The following REDIC1 variants were observed in gnomAD, a reference collection of about 807,000 sequenced individuals.
The protein encoded by REDIC1 is regulator of DNA class I crossover intermediates 1, also known as HEI10 Interacting Protein 1.
the REDIC1 span, among the ~76,000 whole-genome samples, chr12:39,627,247 C>T: frequency 2.6e-5 from 4 of 152,150 alleles, no homozygotes; most frequent in African/African-American, 9.7e-5. Flanking sequence ...GTTGAATATG[C>T]TAGCATTGTA....
the REDIC1 span, among the ~76,000 whole-genome samples, chr12:39,779,810 A>G: frequency 6.6e-6 from 1 of 152,234 alleles, no homozygotes; most frequent in South Asian, 2.1e-4. Flanking sequence ...TAAAAATTTC[A>G]AACTACACCA....
the REDIC1 span, among the ~76,000 whole-genome samples, chr12:39,672,495 G>T: frequency 6.6e-6 from 1 of 152,126 alleles, no homozygotes; most frequent in Non-Finnish European, 1.5e-5. Flanking sequence ...TTGAGAATTG[G>T]CAGTGGCAGT....
the REDIC1 span, chr12:39,640,995 G>T: frequency 1.2e-6 from 2 of 1,609,180 alleles, no homozygotes; most frequent in Non-Finnish European, 1.7e-6. Context: ...AAAGCAAAAG[G>T]TAAAGAAAAA....
chr12:39,857,374 C>T, the REDIC1 span, among the ~76,000 whole-genome samples: 16 of 152,286 alleles, frequency 1.1e-4, no homozygotes, highest in East Asian at 1.3e-3. Flanking sequence ...AGTGAGGTTT[C>T]GGATCCTATA....
At chr12:39,899,857 A>G in the REDIC1 span, among the ~76,000 whole-genome samples, 5 of 151,916 alleles carry the variant, frequency 3.3e-5, no homozygotes, top group African/African-American at 9.7e-5. Flanking sequence ...AGTTTGTTAT[A>G]ATTTCTGTTC....
the REDIC1 span, among the ~76,000 whole-genome samples, chr12:39,718,875 A>G: frequency 6.6e-6 from 1 of 152,072 alleles, no homozygotes; most frequent in East Asian, 1.9e-4. Flanking sequence ...CTGGCATTAA[A>G]TTCTCCAGCA....
chr12:39,787,058 G>A, the REDIC1 span, among the ~76,000 whole-genome samples: 1 of 152,084 alleles, frequency 6.6e-6, no homozygotes, highest in Non-Finnish European at 1.5e-5. Flanking sequence ...CTACCTAGAT[G>A]TTACGGTAAA....
chr12:39,805,299 C>G, the REDIC1 span, among the ~76,000 whole-genome samples: 1 of 152,190 alleles, frequency 6.6e-6, no homozygotes, highest in African/African-American at 2.4e-5. Context: ...TGTGGCTGCT[C>G]TGCTTTGCAG....
chr12:39,879,169 G>A, the REDIC1 span, among the ~76,000 whole-genome samples: 9 of 152,236 alleles, frequency 5.9e-5, no homozygotes, highest in African/African-American at 9.6e-5. Flanking sequence ...TGGAGGATGC[G>A]TGAGAAAGCC....
chr12:39,856,597 G>A, the REDIC1 span, among the ~76,000 whole-genome samples: 2 of 152,138 alleles, frequency 1.3e-5, no homozygotes, highest in African/African-American at 4.8e-5. Flanking sequence ...TCGATCTCTT[G>A]ACCTCGTGAT....
the REDIC1 span, among the ~76,000 whole-genome samples, chr12:39,627,993 G>A: frequency 1.3e-5 from 2 of 152,150 alleles, no homozygotes; most frequent in Non-Finnish European, 2.9e-5. Context: ...CCTCCTGGAA[G>A]GTCATTTTAG....
the REDIC1 span, among the ~76,000 whole-genome samples, chr12:39,628,030 G>T: frequency 6.6e-6 from 1 of 152,084 alleles, no homozygotes; most frequent in African/African-American, 2.4e-5. Flanking sequence ...CTGGTCCTAG[G>T]CAGTTTCAGA....
At chr12:39,653,558 T>TTTCTTCTTCTTCTTCTTC in the REDIC1 span, among the ~76,000 whole-genome samples, 4 of 43,878 alleles carry the variant, frequency 9.1e-5, no homozygotes, top group East Asian at 5.0e-4. Flanking sequence ...CTTCTTCTTC[T>TTTCTTCTTCTTCTTCTTC]TTCTTCTTCT....
the REDIC1 span, among the ~76,000 whole-genome samples, chr12:39,708,039 T>C: frequency 1.4e-3 from 216 of 151,728 alleles, no homozygotes; most frequent in African/African-American, 4.9e-3. Flanking sequence ...GGGAGGGTGG[T>C]GATAGTTAAT....
chr12:39,772,929 C>T, the REDIC1 span, among the ~76,000 whole-genome samples: 1 of 152,196 alleles, frequency 6.6e-6, no homozygotes, highest in Non-Finnish European at 1.5e-5. Flanking sequence ...GGCAGAGTTA[C>T]ATACTCAGCA....
At chr12:39,711,493 ATAAG>A in the REDIC1 span, among the ~76,000 whole-genome samples, 3 of 143,722 alleles carry the variant, frequency 2.1e-5, no homozygotes, top group East Asian at 2.1e-4. Flanking sequence ...ATATATGTAT[ATAAG>A]TATGTATATA....
chr12:39,833,818 T>A, the REDIC1 span, among the ~76,000 whole-genome samples: 1 of 150,978 alleles, frequency 6.6e-6, no homozygotes, highest in Non-Finnish European at 1.5e-5. Context: ...GCTCAGAACA[T>A]GCTGCTCCAT....
At chr12:39,768,537 T>C in the REDIC1 span, among the ~76,000 whole-genome samples, 1 of 152,066 alleles carries the variant, frequency 6.6e-6, no homozygotes, top group African/African-American at 2.4e-5. Context: ...CACTTGAACA[T>C]TTAGAGGCCA....
the REDIC1 span, among the ~76,000 whole-genome samples, chr12:39,633,864 C>CT: frequency 6.6e-6 from 1 of 152,164 alleles, no homozygotes; most frequent in South Asian, 2.1e-4. Context: ...ATTATCTACC[C>CT]TTTTTCTTCT....
Sources: allele counts gnomAD v4.1 joint callset (sites outside exome capture counted in the v4.1 genomes callset), GRCh38; gene constraint gnomAD v4.1.1; transcripts MANE v1.5; gene names NCBI Gene and HGNC (gene_info 2026-07-23, HGNC 2026-07-21).